Variants in ASS1 observed in about 807,000 individuals in gnomAD.
ASS1 encodes the protein argininosuccinate synthase 1.
Under a neutral mutation model 60.5 loss-of-function variants are expected in ASS1, and 58 were observed. The observed-to-expected ratio is 0.96, with a 90% CI of 0.78 to 1.19. The LOEUF is 1.19. ASS1 is among the 50% of genes most tolerant of loss of function. The pLI is 0.00. For synonymous variants in ASS1, 200 were observed against 206.9 expected (o/e 0.97, Z 0.29); for missense variants, 454 against 547.3 (o/e 0.83, Z 1.70).
At chr9:130,449,313 A>T (rs1845271864) in intron 1 of ASS1, among the ~76,000 whole-genome samples, 1 of 143,520 alleles carries the variant, frequency 7.0e-6, no homozygotes, top group Admixed American at 7.3e-5. Flanking sequence ...ACTGCACTCC[A>T]GCCTAGGTGA....
intron 1 of ASS1, among the ~76,000 whole-genome samples, chr9:130,448,950 G>C (rs1845262618): frequency 6.6e-6 from 1 of 152,230 alleles, no homozygotes; most frequent in Non-Finnish European, 1.5e-5. Flanking sequence ...AGTGGAACTA[G>C]TAGCATTGTT....
At chr9:130,463,238 C>T (rs1049687976) in intron 4 of ASS1, among the ~76,000 whole-genome samples, 3 of 152,250 alleles carry the variant, frequency 2.0e-5, no homozygotes, top group Non-Finnish European at 4.4e-5. Flanking sequence ...TCTGGGCTGC[C>T]GAGCCCACGG....
intron 11 of ASS1, among the ~76,000 whole-genome samples, chr9:130,485,031 A>C (rs866240901): frequency 3.9e-5 from 6 of 151,968 alleles, no homozygotes; most frequent in African/African-American, 1.4e-4. Context: ...CAGGAAGAGG[A>C]GGGTTCTGCC....
chr9:130,458,924 A>G (rs1007772079), intron 4 of ASS1, among the ~76,000 whole-genome samples: 8 of 152,236 alleles, frequency 5.3e-5, no homozygotes, highest in Non-Finnish European at 1.5e-5. Flanking sequence ...GGGGACACGC[A>G]GGAAAGTGTT....
chr9:130,462,056 C>CCGCA (rs2131877668), intron 4 of ASS1, among the ~76,000 whole-genome samples: 1 of 152,258 alleles, frequency 6.6e-6, no homozygotes, highest in South Asian at 2.1e-4. Flanking sequence ...AGAAATTGAG[C>CCGCA]CGCACTCTCC....
chr9:130,450,878 T>C (rs1303890316), intron 1 of ASS1, among the ~76,000 whole-genome samples: 7 of 152,222 alleles, frequency 4.6e-5, no homozygotes, highest in Admixed American at 4.6e-4. Flanking sequence ...CCTTGTGACG[T>C]TGGTCAGACT....
At chr9:130,472,509 G>A (rs1845892584) in intron 8 of ASS1, among the ~76,000 whole-genome samples, 1 of 152,174 alleles carries the variant, frequency 6.6e-6, no homozygotes, top group African/African-American at 2.4e-5. Context: ...TTATGGTTGA[G>A]GAAACTGAGG....
rs1480332846 is a variant in ASS1, at chr9:130,459,378, C to A, written c.363+789C>A. Among the ~76,000 whole-genome samples, 1 of 151,986 alleles carries A rather than the reference C, an allele frequency of 6.6e-6. No homozygotes were observed. The highest frequency in any genetic ancestry group is 1.5e-5 in the Non-Finnish European group (1 of 68,012). On this transcript the variant is annotated intron_variant, in intron 4 of 14. Coordinates refer to ENST00000352480, the MANE Select transcript of ASS1 (RefSeq NM_054012.4). The surrounding 1 kb of genome is among the most constrained non-coding windows in gnomAD (Gnocchi z 4.6). ...TTTACCTTCCCCTTGCTACAGGAAC[C>A]CGTCTTGGATTAGGGCCCTTCAATG...
Position 130,499,560 on chromosome 9 carries a change from A to G in ASS1, c.1183A>G (p.Asn395Asp). The G allele has an allele frequency of 6.2e-7, 1 of 1,613,530 alleles. No individual in the cohort carries two copies. Among genetic ancestry groups the G allele is most frequent in the Non-Finnish European group, 8.5e-7 (1 of 1,179,814 alleles). ...TGATGCCACCGGGTTCATCAACATCAATTCCCTCAGGTGAGAAGCTCAGGG... is the reference window on the plus strand; with the variant it reads ...TGATGCCACCGGGTTCATCAACATCGATTCCCTCAGGTGAGAAGCTCAGGG... ...PTDATGFINI[N>D]SLRLKEYHRL... The change falls in exon 14 of 15, where the codon AAT becomes GAT. Residue 395 changes from asparagine to aspartate, a missense_variant. Coordinates refer to ENST00000352480, the MANE Select transcript of ASS1 (RefSeq NM_054012.4).
chr9:130,494,943 G>A lies in ASS1; in HGVS notation c.1047G>A (p.Val349=). 6.2e-7 allele frequency: 1 copy of A among 1,613,594 alleles called. No homozygotes were observed. Among genetic ancestry groups the A allele is most frequent in the Non-Finnish European group, 8.5e-7 (1 of 1,179,982 alleles). Residue 349 remains valine (V), a synonymous_variant, in exon 13 of 15, where the codon GTG becomes GTA. Coordinates refer to ENST00000352480, the MANE Select transcript of ASS1 (RefSeq NM_054012.4). The surrounding 1 kb of genome is among the most constrained non-coding windows in gnomAD (Gnocchi z 4.3). ...CCCAGGAGCGAGTGGAAGGGAAAGTGCAGGTGTCCGTCCTCAAGGGCCAGG... is the reference window on the plus strand; with the variant it reads ...CCCAGGAGCGAGTGGAAGGGAAAGTACAGGTGTCCGTCCTCAAGGGCCAGG... ...AKSQERVEGK[V]QVSVLKGQVY...
chr9:130,488,188 T>G lies in ASS1; in HGVS notation c.839-1145T>G, dbSNP rs753722204. ...ATTGTGATTAATGCTGCTATGAACA[T>G]GAGTGTACAAATCCTTTCTGGGTTT... is the stretch of plus-strand genomic sequence containing the variant. On this transcript the variant is annotated intron_variant, in intron 11 of 14. Coordinates refer to ENST00000352480, the MANE Select transcript of ASS1 (RefSeq NM_054012.4). The surrounding 1 kb of genome is among the most constrained non-coding windows in gnomAD (Gnocchi z 5.2). Among the ~76,000 whole-genome samples, 19 of 152,338 alleles carry G rather than the reference T, an allele frequency of 1.2e-4. No individual in the cohort carries two copies. The highest frequency in any genetic ancestry group is 2.2e-4 in the Non-Finnish European group (15 of 68,030).
At chr9:130,497,488 T>A (rs1270913450) in intron 13 of ASS1, among the ~76,000 whole-genome samples, 2 of 142,704 alleles carry the variant, frequency 1.4e-5, no homozygotes, top group African/African-American at 2.6e-5. Flanking sequence ...TCAGGGGAGG[T>A]AAAAAAAAAA....
chr9:130,480,762 G>C (rs1022243228), intron 11 of ASS1, among the ~76,000 whole-genome samples: 4 of 152,202 alleles, frequency 2.6e-5, no homozygotes, highest in Non-Finnish European at 4.4e-5. Flanking sequence ...TTGTGTCTGG[G>C]GTGGGCAGGC....
chr9:130,491,525 G>A lies in ASS1; in HGVS notation c.970+2061G>A, dbSNP rs1013819325. Among the ~76,000 whole-genome samples the A allele has an allele frequency of 6.6e-6, 1 of 152,226 alleles. No individual in the cohort carries two copies. The highest frequency in any genetic ancestry group is 1.5e-5 in the Non-Finnish European group (1 of 68,046). Reference sequence around the variant, plus strand: ...CTCCTGGCTGGTGATGGGCAGCTTTGAGCCGGGGACAGGCCAGCTGTAGCG... The same window carrying A: ...CTCCTGGCTGGTGATGGGCAGCTTTAAGCCGGGGACAGGCCAGCTGTAGCG... On this transcript the variant is annotated intron_variant, in intron 12 of 14. Transcript: ENST00000352480. The surrounding 1 kb of genome is among the most constrained non-coding windows in gnomAD (Gnocchi z 5.3).
At chr9:130,482,730 G>A (rs946167191) in intron 11 of ASS1, among the ~76,000 whole-genome samples, 1 of 152,154 alleles carries the variant, frequency 6.6e-6, no homozygotes, top group Non-Finnish European at 1.5e-5. Flanking sequence ...CCTCATCCCC[G>A]TAGAAGGTCA....
At chr9:130,461,700 G>A (rs946965522) in intron 4 of ASS1, among the ~76,000 whole-genome samples, 1 of 152,190 alleles carries the variant, frequency 6.6e-6, no homozygotes, top group Non-Finnish European at 1.5e-5. Flanking sequence ...AGAACTGGGG[G>A]TATGAGTGGA....
In ASS1 at chr9:130,501,074, A is replaced by G; in HGVS notation, c.*53A>G. The G allele has an allele frequency of 4.6e-6, 7 of 1,535,084 alleles. No individual in the cohort carries two copies. The highest frequency in any genetic ancestry group is 2.2e-5 in the East Asian group (1 of 44,498). Reference sequence around the variant, plus strand: ...TCCTCAATTTGCAGATCCCCCAAGTACAGGCGCTAATTGTTGTGATAATTT... The same window carrying G: ...TCCTCAATTTGCAGATCCCCCAAGTGCAGGCGCTAATTGTTGTGATAATTT... On this transcript the variant is annotated 3_prime_UTR_variant, in exon 15 of 15. Transcript: ENST00000352480.
intron 13 of ASS1, among the ~76,000 whole-genome samples, chr9:130,497,313 T>C (rs1232735210): frequency 6.6e-6 from 1 of 152,174 alleles, no homozygotes; most frequent in Non-Finnish European, 1.5e-5. Flanking sequence ...ATCGCTGACT[T>C]GAAAGCCCTT....
intron 13 of ASS1, among the ~76,000 whole-genome samples, chr9:130,497,281 C>T (rs1273333073): frequency 6.6e-6 from 1 of 152,226 alleles, no homozygotes; most frequent in Non-Finnish European, 1.5e-5. Context: ...CCGACCATTT[C>T]CCTTTTCTTT....
Sources: gnomAD v4.1 joint callset for allele counts (sites outside exome capture counted in the v4.1 genomes callset) on GRCh38, gnomAD v4.1.1 for gene constraint, Gnocchi (gnomAD v3.1) non-coding constraint, MANE v1.5 for transcripts, NCBI Gene and HGNC (gene_info 2026-07-23, HGNC 2026-07-21) for gene names.